IGFBP6: variants seen among roughly 807,000 people sequenced by gnomAD.
The protein encoded by IGFBP6 is insulin like growth factor binding protein 6.
In IGFBP6, 24 loss-of-function variants were observed where a neutral mutation model predicts 24.5. That is an observed-to-expected ratio of 0.98 (90% CI 0.71 to 1.38). IGFBP6 has a LOEUF of 1.38. Ranked by LOEUF, IGFBP6 falls within the 40% of genes most tolerant of loss-of-function variation. The pLI is 0.00. For synonymous variants in IGFBP6, 147 were observed against 137.4 expected, an observed-to-expected ratio of 1.07 and a Z score of -0.49; for missense variants, 331 against 324.8, an observed-to-expected ratio of 1.02 and a Z score of -0.15.
chr12:53,101,469 G>T (rs1937826851), intron 3 of IGFBP6, among the ~76,000 whole-genome samples: 1 of 152,216 alleles, frequency 6.6e-6, no homozygotes. Flanking sequence ...GATTCAGGAG[G>T]TGTGGGGTGG....
At chr12:53,099,070 A>G in intron 1 of IGFBP6, 1 of 250,500 alleles carries the variant, frequency 4.0e-6, no homozygotes, top group Non-Finnish European at 8.4e-6. Flanking sequence ...AAGAAGGATC[A>G]GACTCAGGAT....
chr12:53,101,804 C>A (rs1290941565), intron 3 of IGFBP6, among the ~76,000 whole-genome samples: 1 of 139,024 alleles, frequency 7.2e-6, no homozygotes, highest in Non-Finnish European at 1.5e-5. Flanking sequence ...GAGGCTGAGG[C>A]AAGAGAATTG....
In IGFBP6 at chr12:53,100,931, GCTTGGAGACGT is replaced by G. The variant is rs1592272965; in HGVS notation, c.480+77_480+87del. The stretch of plus-strand genomic sequence containing the variant: ...CTTCCATCTGAGACTGCTCCCTTGG[GCTTGGAGACGT>G]CTCCATTGTCTGTCCTGGGTGCTTG... On this transcript the variant is annotated intron_variant, in intron 2 of 3. Transcript: ENST00000301464. 9.3e-6 allele frequency: 15 copies of G among 1,605,950 alleles called. No individual in the cohort carries two copies. The East Asian group carries it at 3.3e-4, about 36-fold the overall frequency.
chr12:53,099,741 T>C (rs1251214797), intron 1 of IGFBP6, among the ~76,000 whole-genome samples: 1 of 151,992 alleles, frequency 6.6e-6, no homozygotes, highest in African/African-American at 2.4e-5. Context: ...ATTGATTGAT[T>C]TTTAAATTAG....
intron 1 of IGFBP6, among the ~76,000 whole-genome samples, chr12:53,099,579 C>T (rs9658610): frequency 0.011 from 1,697 of 152,246 alleles, 14 homozygotes; most frequent in Non-Finnish European, 0.016. Context: ...CTCCTACATC[C>T]GTTGCTCTTC....
intron 3 of IGFBP6, among the ~76,000 whole-genome samples, chr12:53,101,447 G>A (rs928064625): frequency 9.2e-5 from 14 of 152,196 alleles, no homozygotes; most frequent in Admixed American, 6.5e-4. Flanking sequence ...GAGCCCCACC[G>A]GCAGCCTTCC....
intron 1 of IGFBP6, 139 bp from the exon 2 acceptor site, chr12:53,100,573 A>AT: frequency 1.4e-6 from 1 of 733,158 alleles, no homozygotes; most frequent in Non-Finnish European, 2.3e-6. Flanking sequence ...TTTGTCAGAG[A>AT]AAGAAACTAG....
intron 3 of IGFBP6, 93 bp from the exon 4 acceptor site, chr12:53,101,952 G>C (rs1486900645): frequency 1.8e-6 from 2 of 1,118,330 alleles, no homozygotes; most frequent in Non-Finnish European, 2.5e-6. Flanking sequence ...GAGACGCTCA[G>C]GTGTTTTTAC....
rs1014273538 is a variant in IGFBP6, at chr12:53,098,034, C to T, written c.317C>T (p.Pro106Leu). The change falls in exon 1 of 4, where the codon CCG (proline) becomes CTG (leucine). Residue 106 changes from proline (P) to leucine (L), a missense_variant. Transcript: ENST00000301464. Reference protein sequence around the residue: ...ALLLGRGRCLPARAPAVAEEN... With the variant: ...ALLLGRGRCLLARAPAVAEEN... ...CTGCTCGGCCGAGGCCGCTGCCTTC[C>T]GGCCCGCGCGCCTGCTGGTGAGTCC... is the stretch of plus-strand genomic sequence containing the variant. 1 of 1,468,472 alleles carries T rather than the reference C, an allele frequency of 6.8e-7. No homozygotes were observed. Among genetic ancestry groups the T allele is most frequent in the South Asian group, 1.4e-5 (1 of 73,664 alleles). The allele number at this position is 1,468,472 out of a possible 1,614,324, so 91.0% of individuals were successfully genotyped here.
In IGFBP6 at chr12:53,102,334, T is replaced by A; in HGVS notation, c.*167T>A. ...GCTGGGGTGTCAATAAAGCTGTGCT[T>A]GGGGTCGCTGGCTTGTGTCTCTGTG... On this transcript the variant is annotated 3_prime_UTR_variant, in exon 4 of 4. Transcript: ENST00000301464. 2 of 699,514 alleles carry A rather than the reference T, an allele frequency of 2.9e-6. No individual in the cohort carries two copies. The highest frequency in any genetic ancestry group is 4.6e-6 in the Non-Finnish European group (2 of 434,326). The allele number at this position is 699,514 out of a possible 1,614,324, so 43.3% of individuals were successfully genotyped here. A position where few individuals can be genotyped will look rare whatever the true frequency, so the allele number is the denominator to read the frequency against.
At chr12:53,100,224 A>G in intron 1 of IGFBP6, among the ~76,000 whole-genome samples, 1 of 152,208 alleles carries the variant, frequency 6.6e-6, no homozygotes, top group Admixed American at 6.5e-5. Context: ...CAGTAGCACA[A>G]TCATGGCTCA....
Position 53,097,993 on chromosome 12 carries a change from G to T in IGFBP6, c.276G>T (p.Ala92=). 6.6e-7 allele frequency: 1 copy of T among 1,515,742 alleles called. No homozygotes were observed. Among genetic ancestry groups the T allele is most frequent in the Non-Finnish European group, 8.8e-7 (1 of 1,139,446 alleles). 93.9% of individuals were successfully genotyped at this position (1,515,742 alleles called of 1,614,324 possible). A position where few individuals can be genotyped will look rare whatever the true frequency, so the allele number is the denominator to read the frequency against. The part of the protein sequence containing the change: ...LQCHPPKDDE[A]PLRALLLGRG... ...GCCATCCGCCCAAGGACGACGAGGC[G>T]CCTTTGCGGGCGCTGCTGCTCGGCC... Residue 92 remains alanine, a synonymous_variant, in exon 1 of 4, where the codon GCG becomes GCT. Coordinates refer to ENST00000301464, the MANE Select transcript of IGFBP6 (RefSeq NM_002178.3).
intron 3 of IGFBP6, 48 bp from the exon 4 acceptor site, chr12:53,101,997 G>T (rs375299516): frequency 6.3e-7 from 1 of 1,575,454 alleles, no homozygotes; most frequent in African/African-American, 1.4e-5. Flanking sequence ...TCATTCTCCT[G>T]CTGGAAGCCT....
chr12:53,099,092 T>G, intron 1 of IGFBP6: 1 of 253,982 alleles, frequency 3.9e-6, no homozygotes, highest in South Asian at 3.1e-5. Flanking sequence ...GCAGGGGAAA[T>G]GTCTCCTGGG....
intron 1 of IGFBP6, among the ~76,000 whole-genome samples, chr12:53,100,281 T>C (rs1937806223): frequency 6.6e-6 from 1 of 152,174 alleles, no homozygotes. Flanking sequence ...TGCCTCAGCC[T>C]CTCAAGTAGC....
At chr12:53,101,309 T>A in intron 3 of IGFBP6, 149 bp downstream of exon 3, 1 of 834,754 alleles carries the variant, frequency 1.2e-6, no homozygotes, top group Non-Finnish European at 1.8e-6. Context: ...TATAATTTAT[T>A]AAACAAACTT....
chr12:53,099,761 T>A (rs1221940957), intron 1 of IGFBP6, among the ~76,000 whole-genome samples: 8 of 151,874 alleles, frequency 5.3e-5, no homozygotes, highest in East Asian at 1.9e-4. Context: ...GTTAATTTTT[T>A]AAAATTAAGT....
chr12:53,098,825 G>A (rs1937783331), intron 1 of IGFBP6: 1 of 152,800 alleles, frequency 6.5e-6, no homozygotes, highest in African/African-American at 2.4e-5. Flanking sequence ...GCGGGGAGAT[G>A]GGGAGGGCAG....
chr12:53,100,884 G>A, intron 2 of IGFBP6, 27 bp downstream of exon 2: 1 of 1,613,674 alleles, frequency 6.2e-7, no homozygotes, highest in Non-Finnish European at 8.5e-7. Context: ...TAGGGAGCAG[G>A]AGGGGTGGGA....
Sources: allele counts gnomAD v4.1 joint callset (sites outside exome capture counted in the v4.1 genomes callset), GRCh38; gene constraint gnomAD v4.1.1; transcripts MANE v1.5; gene names NCBI Gene and HGNC (gene_info 2026-07-23, HGNC 2026-07-21).